AMMECR1: variants seen among roughly 807,000 people sequenced by gnomAD.
AMMECR1 encodes nuclear protein AMMECR1.
In AMMECR1, 3 loss-of-function variants were observed where a neutral mutation model predicts 22.5. The ratio of observed to expected loss-of-function variants is 0.13; its 90% CI spans 0.06 to 0.35. AMMECR1 has a LOEUF of 0.35. Among genes scored for constraint, AMMECR1 ranks in the 10% least tolerant of loss-of-function variants. The pLI, the probability that AMMECR1 is intolerant of heterozygous loss-of-function variation, is 1.00. For synonymous variants in AMMECR1, 130 were observed against 116.7 expected, an observed-to-expected ratio of 1.11 and a Z score of -0.74; for missense variants, 235 against 278.7, an observed-to-expected ratio of 0.84 and a Z score of 1.12.
chrX:110,265,462 T>G (rs1302829253), intron 1 of AMMECR1, among the ~76,000 whole-genome samples: 2 of 111,996 alleles, frequency 1.8e-5, no homozygotes, highest in African/African-American at 6.5e-5. Flanking sequence ...TATAACAAAA[T>G]ATCATCAAGA....
chrX:110,276,340 C>G (rs1191566619), intron 1 of AMMECR1, among the ~76,000 whole-genome samples: 1 of 111,596 alleles, frequency 9.0e-6, no homozygotes, highest in Non-Finnish European at 1.9e-5. Flanking sequence ...AATTCTATAA[C>G]CATCATTTCT....
chrX:110,238,228 T>TAATA (rs2067611689), intron 2 of AMMECR1, among the ~76,000 whole-genome samples: 1 of 112,418 alleles, frequency 8.9e-6, no homozygotes. Context: ...CATTCATTCT[T>TAATA]TATTGAGTAT....
At chrX:110,289,890 C>T (rs1489581769) in intron 1 of AMMECR1, among the ~76,000 whole-genome samples, 1 of 111,666 alleles carries the variant, frequency 9.0e-6, no homozygotes, top group Non-Finnish European at 1.9e-5. Context: ...CTGTAATTTA[C>T]TTAGTATAGC....
At chrX:110,399,151 AGT>A (rs1204104570) in intron 2 of AMMECR1, among the ~76,000 whole-genome samples, 1 of 112,203 alleles carries the variant, frequency 8.9e-6, no homozygotes, top group Non-Finnish European at 1.9e-5. Context: ...AATATAATAC[AGT>A]GTATCACATA....
At chrX:110,349,522 T>C (rs1459059462) in intron 2 of AMMECR1, among the ~76,000 whole-genome samples, 2 of 111,799 alleles carry the variant, frequency 1.8e-5, no homozygotes, top group Non-Finnish European at 3.8e-5. Context: ...AGTTCATTTG[T>C]GTTTTTATAC....
At chrX:110,436,177 A>T in intron 1 of AMMECR1, among the ~76,000 whole-genome samples, 1 of 112,233 alleles carries the variant, frequency 8.9e-6, no homozygotes, top group Non-Finnish European at 1.9e-5. Flanking sequence ...TTTGTGAAGT[A>T]TCTTTAGAGC....
chrX:110,222,621 G>GA (rs745959315), intron 2 of AMMECR1, among the ~76,000 whole-genome samples: 71 of 80,295 alleles, frequency 8.8e-4, no homozygotes, highest in Middle Eastern at 0.013. Flanking sequence ...TCCAATTCTG[G>GA]AAAAAAAAAA....
chrX:110,339,022 A>G (rs751185842), intron 2 of AMMECR1, among the ~76,000 whole-genome samples: 4 of 111,760 alleles, frequency 3.6e-5, no homozygotes, highest in Non-Finnish European at 5.6e-5. Flanking sequence ...GTAATTGGTG[A>G]AATGAAAATT....
intron 2 of AMMECR1, among the ~76,000 whole-genome samples, chrX:110,379,951 T>C (rs1355753827): frequency 8.9e-6 from 1 of 111,961 alleles, no homozygotes; most frequent in Non-Finnish European, 1.9e-5. Context: ...ATTATTATAA[T>C]CCTCATTTAC....
intron 2 of AMMECR1, among the ~76,000 whole-genome samples, chrX:110,338,856 A>G (rs2068150777): frequency 8.9e-6 from 1 of 111,833 alleles, no homozygotes; most frequent in Non-Finnish European, 1.9e-5. Context: ...AGATTCATCA[A>G]TTCCTCCATA....
intron 1 of AMMECR1, among the ~76,000 whole-genome samples, chrX:110,286,222 A>C (rs2067878653): frequency 9.0e-6 from 1 of 111,326 alleles, no homozygotes; most frequent in African/African-American, 3.3e-5. Flanking sequence ...GGAAATCCAG[A>C]ATATATGGTT....
chrX:110,339,973 TACACAC>T lies in AMMECR1; in HGVS notation c.-147-22130_-147-22125del, dbSNP rs35459612. ...TTTTGCTGTAGTTGAAGGCAAAACA[TACACAC>T]ACACACACACACACACACACACACA... On this transcript the variant is annotated intron_variant, in intron 2 of 7. Coordinates refer to the AMMECR1 transcript ENST00000372057. 5.0e-3 allele frequency among the ~76,000 whole-genome samples: 390 copies of T among 78,745 alleles called. 2 individuals are homozygous for T. The highest frequency in any genetic ancestry group is 0.012 in the East Asian group (30 of 2,464). The allele number at this position is 78,745 out of a possible 115,157, so 68.4% of individuals were successfully genotyped here. A position where few individuals can be genotyped will look rare whatever the true frequency, so the allele number is the denominator to read the frequency against.
intron 2 of AMMECR1, among the ~76,000 whole-genome samples, chrX:110,345,494 T>TA (rs113026603): frequency 4.8e-5 from 5 of 104,687 alleles, no homozygotes; most frequent in East Asian, 5.8e-4. Context: ...TAAAGTGTAA[T>TA]AAAAAAAATA....
At chrX:110,247,746 T>C (rs1423836443) in intron 2 of AMMECR1, among the ~76,000 whole-genome samples, 3 of 110,069 alleles carry the variant, frequency 2.7e-5, no homozygotes, top group African/African-American at 9.9e-5. Context: ...ACATGGACAA[T>C]GTCCCAACCA....
intron 1 of AMMECR1, among the ~76,000 whole-genome samples, chrX:110,436,626 C>A (rs2068840749): frequency 8.9e-6 from 1 of 111,923 alleles, no homozygotes; most frequent in South Asian, 3.8e-4. Flanking sequence ...GGCATGCCTG[C>A]ACAGAAAGCT....
intron 2 of AMMECR1, among the ~76,000 whole-genome samples, chrX:110,227,426 C>A (rs746419395): frequency 5.4e-5 from 6 of 111,996 alleles, no homozygotes; most frequent in East Asian, 2.8e-4. Context: ...AGAATGAAGT[C>A]AAACTTAAAG....
chrX:110,363,901 A>T (rs1166764529), intron 2 of AMMECR1, among the ~76,000 whole-genome samples: 1 of 112,118 alleles, frequency 8.9e-6, no homozygotes, highest in African/African-American at 3.2e-5. Context: ...TCCATTTTCA[A>T]ATGACGGAAC....
At position 110,400,357 on chromosome X, in the gene AMMECR1, C is replaced by T. The variant is rs187440041; in HGVS notation, c.-148+26301G>A. Among the ~76,000 whole-genome samples, 41 of 108,846 alleles carry T rather than the reference C, an allele frequency of 3.8e-4. 1 individual carries two copies. Among genetic ancestry groups the T allele is most frequent in the Admixed American group, 3.2e-3 (32 of 10,027 alleles). The allele number at this position is 108,846 out of a possible 115,157, so 94.5% of individuals were successfully genotyped here. On this transcript the variant is annotated intron_variant, in intron 2 of 7. Coordinates refer to the AMMECR1 transcript ENST00000372057. ...AAACTATTCTAAATATAAGGAATCC[C>T]TTCCTTAGAGGCCCCAATATGGCTT...
chrX:110,216,330 T>C (rs769149826), intron 3 of AMMECR1, among the ~76,000 whole-genome samples, 188 bp downstream of exon 3: 1 of 111,840 alleles, frequency 8.9e-6, no homozygotes, highest in Non-Finnish European at 1.9e-5. Context: ...TAACAACACG[T>C]GGCACTTTGT....
Sources: gnomAD v4.1 joint callset for allele counts (sites outside exome capture counted in the v4.1 genomes callset) on GRCh38, gnomAD v4.1.1 for gene constraint, MANE v1.5 for transcripts, NCBI Gene and HGNC (gene_info 2026-07-23, HGNC 2026-07-21) for gene names.